DGKG: variants seen among roughly 807,000 people sequenced by gnomAD.
The protein encoded by DGKG is diacylglycerol kinase gamma.
Under a neutral mutation model 105.3 loss-of-function variants are expected in DGKG, and 78 were observed. That is an observed-to-expected ratio of 0.74 (90% confidence interval 0.62 to 0.89). The LOEUF (loss-of-function observed/expected upper bound fraction) is 0.89. Ranked by LOEUF, DGKG falls within the 40% of genes least tolerant of loss-of-function variation. The probability of loss-of-function intolerance (pLI) is 0.00; values close to 1 mark genes in which losing one functional copy is unlikely to be tolerated. For synonymous variants in DGKG, 346 were observed against 367.1 expected, an observed-to-expected ratio of 0.94 and a Z score of 0.66; for missense variants, 958 against 1,020.1, an observed-to-expected ratio of 0.94 and a Z score of 0.83.
chr3:186,279,135 A>T lies in DGKG; in HGVS notation c.792+716T>A, dbSNP rs1246563464. The T allele has an allele frequency of 2.0e-5, 3 of 152,218 alleles. No individual in the cohort carries two copies. In the East Asian group the frequency reaches 5.8e-4, roughly 29 times the overall value. 9.4% of individuals were successfully genotyped at this position (152,218 alleles called of 1,614,324 possible). A position where few individuals can be genotyped will look rare whatever the true frequency, so the allele number is the denominator to read the frequency against. On this transcript the variant is annotated intron_variant, in intron 9 of 24. Coordinates refer to ENST00000265022, the MANE Select transcript of DGKG (RefSeq NM_001346.3). ...AATCAAGCTGTTCTCCAAGCCATAAACTCTCTCTAGGTCTTTAAGGCCACC... is the reference window on the plus strand; with the variant it reads ...AATCAAGCTGTTCTCCAAGCCATAATCTCTCTCTAGGTCTTTAAGGCCACC...
In DGKG at chr3:186,242,088, G is replaced by C. The variant is rs144005310; in HGVS notation, c.1826+416C>G. ...CTGCCACCTCCTCCCATTTGAGACC[G>C]ACAGAAGCTAGGGTCTCTTCCAGCC... is the stretch of plus-strand genomic sequence containing the variant. On this transcript the variant is annotated intron_variant, in intron 20 of 24. Coordinates refer to ENST00000265022, the MANE Select transcript of DGKG (RefSeq NM_001346.3). Among the ~76,000 whole-genome samples, 15 of 152,260 alleles carry C rather than the reference G, an allele frequency of 9.9e-5. No individual in the cohort carries two copies. In the East Asian group the frequency reaches 2.9e-3, roughly 29 times the overall value.
chr3:186,275,224 C>A (rs1162474189), intron 10 of DGKG, among the ~76,000 whole-genome samples: 3 of 152,108 alleles, frequency 2.0e-5, no homozygotes, highest in Admixed American at 1.3e-4. Context: ...TCTGAACATA[C>A]CCAGAATAAA....
chr3:186,186,464 G>A (rs778408693), intron 22 of DGKG, among the ~76,000 whole-genome samples: 4 of 152,194 alleles, frequency 2.6e-5, no homozygotes, highest in African/African-American at 4.8e-5. Flanking sequence ...GAGATTCCCA[G>A]GAACCAGCAC....
intron 14 of DGKG, among the ~76,000 whole-genome samples, chr3:186,263,373 C>A (rs1481371081): frequency 6.6e-6 from 1 of 152,004 alleles, no homozygotes; most frequent in Non-Finnish European, 1.5e-5. Flanking sequence ...TCGAGACCAG[C>A]CTGGCCAATA....
At chr3:186,268,434 G>C (rs1262596303) in intron 12 of DGKG, among the ~76,000 whole-genome samples, 1 of 152,174 alleles carries the variant, frequency 6.6e-6, no homozygotes, top group Non-Finnish European at 1.5e-5. Flanking sequence ...CCCCTCCTAT[G>C]ATGCTCCTGT....
chr3:186,239,172 C>T (rs1029320233), intron 20 of DGKG, among the ~76,000 whole-genome samples: 5 of 152,248 alleles, frequency 3.3e-5, no homozygotes, highest in Admixed American at 1.3e-4. Flanking sequence ...GGTAAGTGTT[C>T]CGGACCTGAC....
At chr3:186,288,924 A>G (rs369119481) in intron 5 of DGKG, 44 bp from the exon 6 acceptor site, 49 of 1,502,784 alleles carry the variant, frequency 3.3e-5, no homozygotes, top group Admixed American at 2.5e-4. Context: ...TTTTCTGTTT[A>G]GTAAATATTA....
chr3:186,313,498 A>G, intron 2 of DGKG: 1 of 985,338 alleles, frequency 1.0e-6, no homozygotes, highest in Non-Finnish European at 1.2e-6. Context: ...ATTTGGCTTC[A>G]TCAGTCGTAT....
In DGKG at chr3:186,149,979, T is replaced by G. The variant is rs1578590363; in HGVS notation, c.*111A>C. 1 of 1,455,490 alleles carries G rather than the reference T, an allele frequency of 6.9e-7. No individual in the cohort carries two copies. The highest frequency in any genetic ancestry group is 2.5e-5 in the East Asian group (1 of 39,530). 90.2% of individuals were successfully genotyped at this position (1,455,490 alleles called of 1,614,324 possible). On this transcript the variant is annotated 3_prime_UTR_variant, in exon 25 of 25. Transcript: ENST00000265022. ...TTTGCTTCCACTGGTTAGAGAAGAG[T>G]GTGTATGTGTGTGTGTGTGTGCATG...
intron 16 of DGKG, 58 bp from the exon 17 acceptor site, chr3:186,257,997 T>C (rs1297297897): frequency 3.8e-6 from 5 of 1,299,406 alleles, no homozygotes; most frequent in East Asian, 4.6e-5. Context: ...CTGACATTGA[T>C]ACATGTTGAG....
intron 21 of DGKG, among the ~76,000 whole-genome samples, chr3:186,193,272 A>C (rs1386227540): frequency 1.3e-5 from 2 of 152,334 alleles, no homozygotes; most frequent in East Asian, 3.9e-4. Flanking sequence ...TGGCTCTGTC[A>C]CTTGCCAGCG....
intron 1 of DGKG, among the ~76,000 whole-genome samples, chr3:186,332,752 T>C (rs1250690769): frequency 1.3e-5 from 2 of 152,188 alleles, no homozygotes; most frequent in Non-Finnish European, 2.9e-5. Context: ...CTCTCCAAAA[T>C]TCATGTTGAA....
At chr3:186,317,797 T>G (rs1328084208) in intron 2 of DGKG, among the ~76,000 whole-genome samples, 2 of 152,186 alleles carry the variant, frequency 1.3e-5, no homozygotes, top group East Asian at 3.9e-4. Flanking sequence ...TGTCTTCCCC[T>G]GTGAGGCAGT....
At chr3:186,251,524 T>C (rs192131443) in intron 19 of DGKG, among the ~76,000 whole-genome samples, 30 of 152,302 alleles carry the variant, frequency 2.0e-4, no homozygotes, top group Middle Eastern at 3.4e-3. Context: ...TTTCCTGTGT[T>C]AGTTAAAATG....
chr3:186,247,955 G>A (rs1377145595), intron 19 of DGKG, among the ~76,000 whole-genome samples: 1 of 151,930 alleles, frequency 6.6e-6, no homozygotes, highest in Non-Finnish European at 1.5e-5. Flanking sequence ...TAGCCAGCCA[G>A]CAGGACTTCC....
chr3:186,212,210 G>A (rs1358555607), intron 20 of DGKG, among the ~76,000 whole-genome samples: 1 of 152,202 alleles, frequency 6.6e-6, no homozygotes, highest in East Asian at 1.9e-4. Context: ...CAAGCCAGAG[G>A]TGGCAAATAT....
intron 22 of DGKG, among the ~76,000 whole-genome samples, chr3:186,175,713 A>G (rs1406546410): frequency 6.6e-6 from 1 of 152,216 alleles, no homozygotes; most frequent in Admixed American, 6.5e-5. Context: ...CTAGAGCTTT[A>G]CAAAGGACAG....
Position 186,260,450 on chromosome 3 carries a change from C to A in DGKG, c.1413G>T (p.Gly471=). 6.2e-7 allele frequency: 1 copy of A among 1,609,978 alleles called. No individual in the cohort carries two copies. The highest frequency in any genetic ancestry group is 1.3e-5 in the African/African-American group (1 of 74,892). The change falls in exon 16 of 25, where the codon GGG becomes GGT. Residue 471 remains glycine, a synonymous_variant. Coordinates refer to ENST00000265022, the MANE Select transcript of DGKG (RefSeq NM_001346.3). ...PKQVFNLDNG[G]PTPGLNFFRD... Reference sequence around the variant, plus strand: ...TGTGATCTCCATACCCTGGAGTAGGCCCCCCATTGTCCAGGTTGAAAACTT... The same window carrying A: ...TGTGATCTCCATACCCTGGAGTAGGACCCCCATTGTCCAGGTTGAAAACTT...
chr3:186,357,524 T>A (rs968021338), intron 1 of DGKG, among the ~76,000 whole-genome samples: 1 of 152,232 alleles, frequency 6.6e-6, no homozygotes, highest in Non-Finnish European at 1.5e-5. Flanking sequence ...TTACTGAAAC[T>A]TTCTGAGACT....
Sources: gnomAD v4.1 joint callset for allele counts (sites outside exome capture counted in the v4.1 genomes callset) on GRCh38, gnomAD v4.1.1 for gene constraint, MANE v1.5 for transcripts, NCBI Gene and HGNC (gene_info 2026-07-23, HGNC 2026-07-21) for gene names.